The following ZFHX3 variants were observed in gnomAD, a reference collection of about 807,000 sequenced individuals.
ZFHX3 encodes zinc finger homeobox protein 3.
A neutral mutation model predicts 279.1 loss-of-function variants in ZFHX3; 42 were observed. That is an observed-to-expected ratio of 0.15 (90% CI 0.12 to 0.19). ZFHX3 has a LOEUF of 0.19. ZFHX3 is among the 10% of genes least tolerant of loss of function. The pLI, the probability that ZFHX3 is intolerant of heterozygous loss-of-function variation, is 1.00. For missense variants in ZFHX3, 4,981 were observed against 4,754.0 expected, an observed-to-expected ratio of 1.05 and a Z score of -1.40; for synonymous variants, 2,293 against 1,957.8, an observed-to-expected ratio of 1.17 and a Z score of -4.52.
chr16:73,322,276 T>C (rs1464392962), intron 3 of ZFHX3, among the ~76,000 whole-genome samples: 1 of 120,566 alleles, frequency 8.3e-6, no homozygotes, highest in Non-Finnish European at 2.1e-5. Context: ...TGAATCTTCA[T>C]GGCTTTTTTT....
At chr16:73,404,439 C>T (rs984647441) in intron 3 of ZFHX3, among the ~76,000 whole-genome samples, 6 of 152,038 alleles carry the variant, frequency 3.9e-5, no homozygotes, top group African/African-American at 1.4e-4. Flanking sequence ...GTAGGACCTC[C>T]TAGGATGCAT....
chr16:73,055,847 T>TACACACACACACACACACACACAC (rs10672414), intron 1 of ZFHX3, among the ~76,000 whole-genome samples: 2 of 138,628 alleles, frequency 1.4e-5, no homozygotes, highest in Non-Finnish European at 3.1e-5. Context: ...CCTACAACTC[T>TACACACACACACACACACACACAC]ACACACACAC....
chr16:73,603,714 T>C (rs1163631179), intron 2 of ZFHX3, among the ~76,000 whole-genome samples: 2 of 151,404 alleles, frequency 1.3e-5, no homozygotes, highest in African/African-American at 4.9e-5. Flanking sequence ...TATATCATTA[T>C]GAAATGGAAT....
chr16:72,935,804 T>A (rs1390937978), intron 3 of ZFHX3, among the ~76,000 whole-genome samples: 1 of 151,268 alleles, frequency 6.6e-6, no homozygotes, highest in African/African-American at 2.4e-5. Context: ...CTACCTAATA[T>A]CCCCAAGACC....
At chr16:73,229,941 A>G (rs958083248) in intron 5 of ZFHX3, among the ~76,000 whole-genome samples, 1 of 152,244 alleles carries the variant, frequency 6.6e-6, no homozygotes, top group African/African-American at 2.4e-5. Flanking sequence ...GGTAACTGAT[A>G]AGCAAATGAT....
At position 73,360,424 on chromosome 16, in the gene ZFHX3, C is replaced by T. The variant is rs765493422; in HGVS notation, c.-1290-42088G>A. On this transcript the variant is annotated intron_variant, in intron 3 of 17. Transcript: ENST00000641206. Reference sequence around the variant, plus strand: ...TGCAATCTGGGCTCACCACAGCCTCCGCCTCTAGGGTTCAACTGATTCTCC... The same window carrying T: ...TGCAATCTGGGCTCACCACAGCCTCTGCCTCTAGGGTTCAACTGATTCTCC... 4.1e-4 allele frequency among the ~76,000 whole-genome samples: 62 copies of T among 152,320 alleles called. 1 individual carries two copies. Among genetic ancestry groups the T allele is most frequent in the Non-Finnish European group, 6.6e-4 (45 of 68,030 alleles).
At chr16:73,703,008 TGAAAGAGGA>T (rs2053265852) in intron 1 of ZFHX3, among the ~76,000 whole-genome samples, 1 of 151,890 alleles carries the variant, frequency 6.6e-6, no homozygotes, top group Non-Finnish European at 1.5e-5. Flanking sequence ...GTGGTGATAG[TGAAAGAGGA>T]GAAAGAGCTG....
intron 7 of ZFHX3, among the ~76,000 whole-genome samples, chr16:73,101,307 A>C (rs193138410): frequency 4.6e-5 from 7 of 152,336 alleles, no homozygotes; most frequent in Admixed American, 2.0e-4. Flanking sequence ...GGTGGGCTTC[A>C]GACTCCTCAG....
At chr16:73,778,461 T>C (rs1959339575) in intron 1 of ZFHX3, among the ~76,000 whole-genome samples, 1 of 152,168 alleles carries the variant, frequency 6.6e-6, no homozygotes, top group African/African-American at 2.4e-5. Context: ...CAAAATAACA[T>C]GTTCTTCAAA....
intron 3 of ZFHX3, among the ~76,000 whole-genome samples, chr16:72,926,677 A>C (rs1281148492): frequency 6.6e-6 from 1 of 152,158 alleles, no homozygotes; most frequent in African/African-American, 2.4e-5. Context: ...ATCCCATGAC[A>C]TTTCTGTAAA....
At chr16:73,520,237 T>C (rs2019588751) in intron 2 of ZFHX3, among the ~76,000 whole-genome samples, 1 of 152,208 alleles carries the variant, frequency 6.6e-6, no homozygotes, top group Non-Finnish European at 1.5e-5. Flanking sequence ...AATTGTGATG[T>C]TTTATGACTA....
chr16:73,096,165 CCTG>C (rs1294943862), intron 7 of ZFHX3, among the ~76,000 whole-genome samples: 1 of 152,098 alleles, frequency 6.6e-6, no homozygotes, highest in East Asian at 1.9e-4. Flanking sequence ...CTCTTTACTG[CCTG>C]CCTGCCTGCC....
At position 72,957,810 on chromosome 16, in the gene ZFHX3, GCAGCCA is replaced by G. The variant is rs753795470; in HGVS notation, c.2330_2335del (p.Val777_Ala778del). On this transcript the variant is annotated inframe_deletion, in exon 2 of 10. Transcript: ENST00000268489. ...ACTGATATTGGCTGCCGCCGCCGCC[GCAGCCA>G]CCGCCGCCGCCGCCGCCCCGGCAGT... 11 of 1,590,596 alleles carry G rather than the reference GCAGCCA, an allele frequency of 6.9e-6. No individual in the cohort carries two copies. Among genetic ancestry groups the G allele is most frequent in the African/African-American group, 5.4e-5 (4 of 74,460 alleles).
intron 3 of ZFHX3, among the ~76,000 whole-genome samples, chr16:73,372,349 C>T (rs1470358174): frequency 6.6e-6 from 1 of 152,142 alleles, no homozygotes; most frequent in Non-Finnish European, 1.5e-5. Context: ...AATATCTGCG[C>T]TCTGCTTATT....
chr16:73,532,310 C>T (rs1407372632), intron 2 of ZFHX3, among the ~76,000 whole-genome samples: 1 of 152,060 alleles, frequency 6.6e-6, no homozygotes, highest in African/African-American at 2.4e-5. Context: ...TGGGGAGACC[C>T]TTTTCGTTTG....
intron 4 of ZFHX3, among the ~76,000 whole-genome samples, chr16:73,286,424 C>T (rs954751541): frequency 5.9e-5 from 9 of 152,206 alleles, no homozygotes; most frequent in African/African-American, 1.9e-4. Context: ...CTTCAAATAC[C>T]TCAAGCTGTG....
chr16:72,811,336 C>T (rs1156346322), intron 7 of ZFHX3, among the ~76,000 whole-genome samples: 1 of 152,244 alleles, frequency 6.6e-6, no homozygotes, highest in Non-Finnish European at 1.5e-5. Context: ...ATGCCTCTGT[C>T]CCCTGAGGGC....
intron 4 of ZFHX3, among the ~76,000 whole-genome samples, chr16:72,837,461 G>A (rs2037221355): frequency 6.6e-6 from 1 of 151,506 alleles, no homozygotes; most frequent in African/African-American, 2.4e-5. Context: ...CATGCGCCCT[G>A]GCTCCAATGA....
rs999106819 is a variant in ZFHX3 at position 73,578,132 on chromosome 16, AT to A, written c.-1547+102047del. On this transcript the variant is annotated intron_variant, in intron 2 of 17. Coordinates refer to the ZFHX3 transcript ENST00000641206. ...AGATTCATAGGATGCTGCCAAGATT[AT>A]TTTTTTAAACACTCAAGCCGGTCTA... Among the ~76,000 whole-genome samples the A allele has an allele frequency of 2.6e-5, 4 of 152,304 alleles. No homozygotes were observed. The East Asian group carries it at 5.8e-4, about 22-fold the overall frequency.
Sources: gnomAD v4.1 joint callset for allele counts (sites outside exome capture counted in the v4.1 genomes callset) on GRCh38, gnomAD v4.1.1 for gene constraint, MANE v1.5 for transcripts, NCBI Gene and HGNC (gene_info 2026-07-23, HGNC 2026-07-21) for gene names.